The following SWAP70 variants were observed in gnomAD, a reference collection of about 807,000 sequenced individuals.
SWAP70 encodes switching B cell complex subunit SWAP70.
Under a neutral mutation model 80.2 loss-of-function variants are expected in SWAP70, and 34 were observed. The ratio of observed to expected loss-of-function variants is 0.42; its 90% CI spans 0.32 to 0.56. The LOEUF (loss-of-function observed/expected upper bound fraction) is 0.56, where lower values mean the gene tolerates loss of function less well. Ranked by LOEUF, SWAP70 falls within the 20% of genes least tolerant of loss-of-function variation. The pLI is 0.09. For missense variants in SWAP70, 578 were observed against 690.7 expected (o/e 0.84, Z 1.83); for synonymous variants, 239 against 238.5 (o/e 1.00, Z -0.02).
chr11:9,737,626 GGT>G (rs1228172214), intron 7 of SWAP70, among the ~76,000 whole-genome samples: 2 of 152,204 alleles, frequency 1.3e-5, no homozygotes, highest in African/African-American at 4.8e-5. Context: ...GGCTGGGCAT[GGT>G]GGCTTACACC....
intron 9 of SWAP70, 117 bp from the exon 10 acceptor site, chr11:9,747,741 A>C: frequency 1.0e-6 from 1 of 958,150 alleles, no homozygotes; most frequent in East Asian, 2.4e-5. Flanking sequence ...TCCTGGTGGA[A>C]TGAAAGGGGG....
chr11:9,725,433 C>T (rs1172565324), intron 4 of SWAP70, among the ~76,000 whole-genome samples: 1 of 146,224 alleles, frequency 6.8e-6, no homozygotes, highest in Non-Finnish European at 1.5e-5. Context: ...CCTGTAATCC[C>T]AGCACTTTGG....
At position 9,684,797 on chromosome 11, in the gene SWAP70, A is replaced by G. The variant is rs542182571; in HGVS notation, c.100-9349A>G. Among the ~76,000 whole-genome samples the G allele has an allele frequency of 1.4e-4, 22 of 152,346 alleles. No homozygotes were observed. In the Middle Eastern group the frequency reaches 0.01, roughly 71 times the overall value. On this transcript the variant is annotated intron_variant, in intron 1 of 11. Transcript: ENST00000318950. The stretch of plus-strand genomic sequence containing the variant: ...GGTAAAGTAGCAAAATGAAATTTAA[A>G]AAAAGAAAAAAATTCTTGGAAATTC...
intron 1 of SWAP70, among the ~76,000 whole-genome samples, chr11:9,667,353 C>T (rs750585624): frequency 6.6e-6 from 1 of 151,826 alleles, no homozygotes; most frequent in Non-Finnish European, 1.5e-5. Flanking sequence ...CTGGCTCAAG[C>T]GATCCTCCAG....
In SWAP70 at chr11:9,752,521, C is replaced by A. The variant is rs1851604412; in HGVS notation, c.*2551C>A. On this transcript the variant is annotated 3_prime_UTR_variant, in exon 12 of 12. Coordinates refer to ENST00000318950, the MANE Select transcript of SWAP70 (RefSeq NM_015055.4). Reference sequence around the variant, plus strand: ...AACAGTGCTTTGGCTAAGATAGATACTTGTGAATCAAAGATAGCACAGAAA... The same window carrying A: ...AACAGTGCTTTGGCTAAGATAGATAATTGTGAATCAAAGATAGCACAGAAA... 1 of 152,232 alleles carries A rather than the reference C, an allele frequency of 6.6e-6. No homozygotes were observed. Among genetic ancestry groups the A allele is most frequent in the Non-Finnish European group, 1.5e-5 (1 of 68,038 alleles). The allele number at this position is 152,232 out of a possible 1,614,324, so 9.4% of individuals were successfully genotyped here.
chr11:9,741,147 A>G (rs941468884), intron 9 of SWAP70: 3 of 152,116 alleles, frequency 2.0e-5, no homozygotes, highest in Non-Finnish European at 2.9e-5. Flanking sequence ...GCTAGGGTAG[A>G]TTTTCCATGG....
intron 1 of SWAP70, chr11:9,681,342 G>C (rs1204224365): frequency 6.6e-6 from 1 of 152,248 alleles, no homozygotes; most frequent in Non-Finnish European, 1.5e-5. Context: ...GATTTAAAGA[G>C]AGATGGGGCT....
intron 1 of SWAP70, among the ~76,000 whole-genome samples, chr11:9,683,705 G>A (rs376252433): frequency 2.0e-5 from 3 of 152,312 alleles, no homozygotes; most frequent in South Asian, 4.1e-4. Flanking sequence ...AGCAAAGATT[G>A]CCCCTTATGG....
rs1244899712 is a variant in SWAP70 at position 9,705,366 on chromosome 11, TTGGTGATCTGTATACAC to T, written c.241-8071_241-8055del. The stretch of plus-strand genomic sequence containing the variant: ...GTATACACTGGTGATCTGTGTATAC[TTGGTGATCTGTATACAC>T]TGGTGATCTGTATACACTGGTGATC... On this transcript the variant is annotated intron_variant, in intron 2 of 11. Coordinates refer to ENST00000318950, the MANE Select transcript of SWAP70 (RefSeq NM_015055.4). Among the ~76,000 whole-genome samples, 83 of 145,104 alleles carry T rather than the reference TTGGTGATCTGTATACAC, an allele frequency of 5.7e-4. 1 individual carries two copies. Among genetic ancestry groups the T allele is most frequent in the Non-Finnish European group, 8.5e-4 (57 of 67,150 alleles).
chr11:9,701,694 T>C (rs944821083), intron 2 of SWAP70, among the ~76,000 whole-genome samples: 6 of 110,882 alleles, frequency 5.4e-5, no homozygotes, highest in African/African-American at 9.4e-5. Context: ...GTGGGCTCTT[T>C]TTTTTTTTTT....
rs377737472 is a variant in SWAP70 at position 9,722,503 on chromosome 11, TTAAAA to T, written c.415-2152_415-2148del. On this transcript the variant is annotated intron_variant, in intron 3 of 11. Transcript: ENST00000318950. ...CAAATGGAAGTACTAGGGGTTTTAA[TTAAAA>T]TACAGATTCTGATTTTTGGTCCTTT... 4.3e-4 allele frequency among the ~76,000 whole-genome samples: 66 copies of T among 152,366 alleles called. 1 individual carries two copies. The highest frequency in any genetic ancestry group is 1.5e-3 in the African/African-American group (64 of 41,588).
chr11:9,701,651 T>C (rs148650635), intron 2 of SWAP70, among the ~76,000 whole-genome samples: 1,866 of 146,612 alleles, frequency 0.013, 19 homozygotes, highest in Middle Eastern at 0.03. Context: ...AGTAAAGGAA[T>C]GGAATTCTTT....
intron 1 of SWAP70, among the ~76,000 whole-genome samples, chr11:9,668,253 A>T (rs1850333291): frequency 6.6e-6 from 1 of 152,164 alleles, no homozygotes; most frequent in Non-Finnish European, 1.5e-5. Flanking sequence ...GGCATAAATG[A>T]GATTTTTTGG....
chr11:9,732,297 G>C (rs1246738892), intron 6 of SWAP70, among the ~76,000 whole-genome samples: 2 of 152,110 alleles, frequency 1.3e-5, no homozygotes, highest in Non-Finnish European at 2.9e-5. Context: ...TCATTTTAAA[G>C]ATGTGGAAAC....
intron 2 of SWAP70, chr11:9,703,480 A>T (rs1224968640): frequency 2.6e-5 from 12 of 456,144 alleles, no homozygotes; most frequent in Non-Finnish European, 4.8e-5. Context: ...AAATGCAGCG[A>T]ATTTTTGTTG....
intron 8 of SWAP70, among the ~76,000 whole-genome samples, chr11:9,739,081 C>A (rs1376579304): frequency 6.6e-6 from 1 of 152,064 alleles, no homozygotes; most frequent in African/African-American, 2.4e-5. Context: ...GCAAGGATGG[C>A]GGGGGTGAGA....
At chr11:9,743,331 G>C (rs1851467878) in intron 9 of SWAP70, among the ~76,000 whole-genome samples, 1 of 151,504 alleles carries the variant, frequency 6.6e-6, no homozygotes, top group South Asian at 2.1e-4. Context: ...CCAAGTCTTT[G>C]CTATTGTGAA....
chr11:9,734,354 G>A (rs1330263271), intron 7 of SWAP70, among the ~76,000 whole-genome samples: 1 of 152,130 alleles, frequency 6.6e-6, no homozygotes, highest in Non-Finnish European at 1.5e-5. Flanking sequence ...ATACATTGAT[G>A]CCCTTTTTAA....
At chr11:9,726,740 T>C (rs1283364086) in intron 4 of SWAP70, among the ~76,000 whole-genome samples, 1 of 152,266 alleles carries the variant, frequency 6.6e-6, no homozygotes, top group African/African-American at 2.4e-5. Context: ...TAAACAAGCC[T>C]GAAGGGCTTT....
Sources: allele counts gnomAD v4.1 joint callset (sites outside exome capture counted in the v4.1 genomes callset), GRCh38; gene constraint gnomAD v4.1.1; transcripts MANE v1.5; gene names NCBI Gene and HGNC (gene_info 2026-07-23, HGNC 2026-07-21).